Variants in IRF2 observed in about 807,000 individuals in gnomAD.
IRF2 encodes the protein interferon regulatory factor 2.
Under a neutral mutation model 40.6 loss-of-function variants are expected in IRF2, and 15 were observed. The ratio of observed to expected loss-of-function variants is 0.37; its 90% CI spans 0.25 to 0.57. The LOEUF (loss-of-function observed/expected upper bound fraction) is 0.57, where lower values mean the gene tolerates loss of function less well. Among genes scored for constraint, IRF2 ranks in the 20% least tolerant of loss-of-function variants. IRF2 has a pLI of 0.77. For missense variants in IRF2, 317 were observed against 455.7 expected, an observed-to-expected ratio of 0.70 and a Z score of 2.77; for synonymous variants, 151 against 165.5, an observed-to-expected ratio of 0.91 and a Z score of 0.67.
intron 7 of IRF2, among the ~76,000 whole-genome samples, chr4:184,394,587 C>T (rs561964583): frequency 1.3e-5 from 2 of 152,274 alleles, no homozygotes; most frequent in South Asian, 2.1e-4. Flanking sequence ...TGTGGTTTCC[C>T]GAAGGATTCA....
chr4:184,400,618 A>T (rs1436463775), intron 6 of IRF2, among the ~76,000 whole-genome samples: 1 of 152,154 alleles, frequency 6.6e-6, no homozygotes, highest in Non-Finnish European at 1.5e-5. Flanking sequence ...TTCATGTTTA[A>T]TTTTACAAGA....
chr4:184,391,913 G>A (rs867528544), intron 7 of IRF2, among the ~76,000 whole-genome samples: 35 of 152,334 alleles, frequency 2.3e-4, no homozygotes, highest in African/African-American at 7.9e-4. Flanking sequence ...TACATGGAGA[G>A]TGAGTGAGAG....
At chr4:184,418,448 G>A in intron 4 of IRF2, 84 bp downstream of exon 4, 1 of 1,288,368 alleles carries the variant, frequency 7.8e-7, no homozygotes, top group Non-Finnish European at 1.1e-6. Context: ...CCTGCAAACT[G>A]ACTGCAGATG....
intron 6 of IRF2, among the ~76,000 whole-genome samples, chr4:184,400,663 A>G (rs1736633668): frequency 6.6e-6 from 1 of 152,118 alleles, no homozygotes; most frequent in African/African-American, 2.4e-5. Context: ...TGACCGTGCC[A>G]TTTTACATTC....
chr4:184,416,420 G>A (rs1281709151), intron 5 of IRF2, among the ~76,000 whole-genome samples: 1 of 145,134 alleles, frequency 6.9e-6, no homozygotes, highest in Non-Finnish European at 1.5e-5. Context: ...AATGTTTTAA[G>A]AGGTAATATA....
chr4:184,473,904 GCGCGCACACACAAA>G (rs914085409), intron 1 of IRF2: 7 of 151,232 alleles, frequency 4.6e-5, no homozygotes, highest in Admixed American at 3.9e-4. Flanking sequence ...ACACACACAC[GCGCGCACACACAAA>G]CACGCACATA....
At chr4:184,447,784 T>C (rs899390988) in intron 1 of IRF2, among the ~76,000 whole-genome samples, 1 of 152,054 alleles carries the variant, frequency 6.6e-6, no homozygotes, top group African/African-American at 2.4e-5. Context: ...TCTAAGAAAA[T>C]TGCCTTGTCA....
intron 1 of IRF2, among the ~76,000 whole-genome samples, chr4:184,438,295 G>A (rs1278836593): frequency 1.3e-5 from 2 of 152,174 alleles, no homozygotes; most frequent in African/African-American, 2.4e-5. Context: ...GAAACCTCTA[G>A]ACCTGTGTTT....
chr4:184,442,295 C>T (rs1738341409), intron 1 of IRF2, among the ~76,000 whole-genome samples: 1 of 152,168 alleles, frequency 6.6e-6, no homozygotes, highest in Non-Finnish European at 1.5e-5. Context: ...AATAAAGATA[C>T]TCGCCCTCTC....
At chr4:184,427,419 G>C (rs937289103) in intron 2 of IRF2, among the ~76,000 whole-genome samples, 1 of 152,206 alleles carries the variant, frequency 6.6e-6, no homozygotes, top group Non-Finnish European at 1.5e-5. Flanking sequence ...ACTTTGGAAG[G>C]CCAAGGCGGG....
chr4:184,433,210 G>A (rs989095303), intron 1 of IRF2, among the ~76,000 whole-genome samples: 6 of 152,188 alleles, frequency 3.9e-5, no homozygotes, highest in African/African-American at 1.4e-4. Flanking sequence ...CCAGCGCTTC[G>A]CCAACTTGAA....
chr4:184,411,079 A>G (rs572491916), intron 5 of IRF2, among the ~76,000 whole-genome samples: 1 of 143,956 alleles, frequency 6.9e-6, no homozygotes, highest in African/African-American at 2.6e-5. Flanking sequence ...TTTTTTTGAC[A>G]TGGGGTGTCA....
intron 1 of IRF2, among the ~76,000 whole-genome samples, chr4:184,462,696 T>A (rs1347574457): frequency 6.6e-6 from 1 of 152,184 alleles, no homozygotes; most frequent in East Asian, 1.9e-4. Flanking sequence ...TTTTTAAAGG[T>A]CTGGATACAA....
chr4:184,457,747 C>G (rs1227503205), intron 1 of IRF2, among the ~76,000 whole-genome samples: 4 of 152,282 alleles, frequency 2.6e-5, no homozygotes, highest in African/African-American at 9.6e-5. Flanking sequence ...TCCTCTCCAA[C>G]GCTGCAGGTG....
At chr4:184,450,058 T>C (rs1738660353) in intron 1 of IRF2, among the ~76,000 whole-genome samples, 1 of 152,216 alleles carries the variant, frequency 6.6e-6, no homozygotes, top group Non-Finnish European at 1.5e-5. Context: ...AATTCAAAAG[T>C]GTGTGGATGT....
intron 1 of IRF2, among the ~76,000 whole-genome samples, chr4:184,456,340 G>A (rs759283271): frequency 2.0e-5 from 3 of 152,196 alleles, no homozygotes; most frequent in Non-Finnish European, 4.4e-5. Flanking sequence ...GGAAGCCAAG[G>A]GATCCTCAGG....
In IRF2 at chr4:184,388,157, C is replaced by T. The variant is rs1261748126; in HGVS notation, c.*601G>A. ...TAGAGAAATTCATTTCCTTCTTCTC[C>T]TCCGGATGTGGAATGGAAGCTTTGA... On this transcript the variant is annotated 3_prime_UTR_variant, in exon 9 of 9. Transcript: ENST00000393593. This position sits in a 1 kb window ranked among gnomAD's most constrained non-coding sequence, Gnocchi z 4.6. The T allele has an allele frequency of 2.7e-5, 4 of 149,516 alleles. No homozygotes were observed. Among genetic ancestry groups the T allele is most frequent in the African/African-American group, 4.9e-5 (2 of 40,878 alleles). The allele number at this position is 149,516 out of a possible 1,614,324, so 9.3% of individuals were successfully genotyped here.
chr4:184,423,266 C>T (rs1048742831), intron 2 of IRF2, among the ~76,000 whole-genome samples: 7 of 152,194 alleles, frequency 4.6e-5, no homozygotes, highest in South Asian at 2.1e-4. Flanking sequence ...TAGACAGACG[C>T]GCCATGCCAG....
chr4:184,449,001 C>T (rs1554016787), intron 1 of IRF2: 1 of 152,358 alleles, frequency 6.6e-6, no homozygotes, highest in Non-Finnish European at 1.5e-5. Context: ...CTCCCCTGGC[C>T]TCGGACTCCG....
Sources: gnomAD v4.1 joint callset for allele counts (sites outside exome capture counted in the v4.1 genomes callset) on GRCh38, gnomAD v4.1.1 for gene constraint, Gnocchi (gnomAD v3.1) non-coding constraint, MANE v1.5 for transcripts, NCBI Gene and HGNC (gene_info 2026-07-23, HGNC 2026-07-21) for gene names.